The following ILRUN variants were observed in gnomAD, a reference collection of about 807,000 sequenced individuals.
ILRUN encodes the protein inflammation and lipid regulator with UBA-like and NBR1-like domains.
ILRUN carries 3 observed loss-of-function variants against 33.8 expected under a neutral mutation model. That is an observed-to-expected ratio of 0.09 (90% confidence interval 0.04 to 0.23). The LOEUF (loss-of-function observed/expected upper bound fraction) is 0.23. Among genes scored for constraint, ILRUN ranks in the 10% least tolerant of loss-of-function variants. The pLI is 1.00. For missense variants in ILRUN, 210 were observed against 375.1 expected, an observed-to-expected ratio of 0.56 and a Z score of 3.64; for synonymous variants, 124 against 138.9, an observed-to-expected ratio of 0.89 and a Z score of 0.75.
intron 1 of ILRUN, among the ~76,000 whole-genome samples, chr6:34,665,136 T>C (rs577027734): frequency 3.5e-4 from 53 of 150,738 alleles, no homozygotes; most frequent in Non-Finnish European, 6.3e-4. Context: ...CTGGCTCATC[T>C]TATCTTTTTT....
rs999614404 is a variant in ILRUN, at chr6:34,598,546, C to A, written c.862-7946G>T. On this transcript the variant is annotated intron_variant, in intron 4 of 4. Coordinates refer to ENST00000374023, the MANE Select transcript of ILRUN (RefSeq NM_024294.4). ...TGGGGAAGAGAATGGGCCCTTATAA[C>A]CAAAATAAAACATGCTGGCAATCTT... Among the ~76,000 whole-genome samples, 3 of 152,124 alleles carry A rather than the reference C, an allele frequency of 2.0e-5. No homozygotes were observed. In the East Asian group the frequency reaches 5.8e-4, roughly 29 times the overall value.
intron 1 of ILRUN, among the ~76,000 whole-genome samples, chr6:34,657,337 G>A (rs1222454612): frequency 6.6e-6 from 1 of 152,092 alleles, no homozygotes; most frequent in African/African-American, 2.4e-5. Context: ...TTCACCCTTT[G>A]GCTCTGCCAT....
intron 3 of ILRUN, among the ~76,000 whole-genome samples, chr6:34,609,423 G>A (rs1761698047): frequency 6.6e-6 from 1 of 152,192 alleles, no homozygotes; most frequent in African/African-American, 2.4e-5. Flanking sequence ...CTGGGAGGCG[G>A]AGGTTGTAGT....
At chr6:34,593,329 C>T (rs182616449) in intron 4 of ILRUN, among the ~76,000 whole-genome samples, 69 of 152,350 alleles carry the variant, frequency 4.5e-4, no homozygotes, top group Admixed American at 7.8e-4. Context: ...CAAAGCTCTA[C>T]ACACTTCATG....
At chr6:34,634,320 A>C (rs1328758496) in intron 3 of ILRUN, among the ~76,000 whole-genome samples, 2 of 152,148 alleles carry the variant, frequency 1.3e-5, no homozygotes, top group African/African-American at 4.8e-5. Context: ...ACATTTCAGA[A>C]GTTGTGGGAT....
intron 4 of ILRUN, among the ~76,000 whole-genome samples, chr6:34,605,767 G>A (rs1025850324): frequency 6.6e-6 from 1 of 152,162 alleles, no homozygotes; most frequent in Non-Finnish European, 1.5e-5. Context: ...ATTGAAGCCA[G>A]GACAGACCTA....
intron 1 of ILRUN, among the ~76,000 whole-genome samples, chr6:34,657,335 T>C (rs1318188330): frequency 6.6e-6 from 1 of 152,168 alleles, no homozygotes. Context: ...ATTTCACCCT[T>C]TGGCTCTGCC....
chr6:34,614,860 A>T (rs1761849191), intron 3 of ILRUN, among the ~76,000 whole-genome samples: 3 of 152,170 alleles, frequency 2.0e-5, no homozygotes, highest in African/African-American at 7.2e-5. Flanking sequence ...ACCCCGTAAC[A>T]TCAGTGTAAT....
At chr6:34,647,463 G>A (rs1013149535) in intron 2 of ILRUN, among the ~76,000 whole-genome samples, 6 of 152,140 alleles carry the variant, frequency 3.9e-5, no homozygotes, top group Non-Finnish European at 8.8e-5. Context: ...TGTGGTCGCA[G>A]GAACAATGGC....
rs116148457 is a variant in ILRUN, at chr6:34,687,264, G to C, written c.158+9182C>G. Among the ~76,000 whole-genome samples, 1,113 of 152,050 alleles carry C rather than the reference G, an allele frequency of 7.3e-3. 21 individuals are homozygous for C. The highest frequency in any genetic ancestry group is 0.026 in the African/African-American group (1,059 of 41,426). On this transcript the variant is annotated intron_variant, in intron 1 of 4. Coordinates refer to ENST00000374023, the MANE Select transcript of ILRUN (RefSeq NM_024294.4). ...AGAAAATGCACAAAGGACTTAAATG[G>C]TTATTTCTCCAAAGAAGATATACAA...
intron 4 of ILRUN, among the ~76,000 whole-genome samples, chr6:34,594,653 C>G (rs1761363144): frequency 6.6e-6 from 1 of 152,180 alleles, no homozygotes; most frequent in Non-Finnish European, 1.5e-5. Flanking sequence ...GCGTGGGGAC[C>G]TAAGTTCAAC....
intron 4 of ILRUN, among the ~76,000 whole-genome samples, chr6:34,605,698 C>T (rs1459677681): frequency 6.6e-6 from 1 of 152,182 alleles, no homozygotes; most frequent in Non-Finnish European, 1.5e-5. Flanking sequence ...AACATAGTCA[C>T]TTGCCCCTCA....
At chr6:34,691,370 T>C (rs1225468563) in intron 1 of ILRUN, among the ~76,000 whole-genome samples, 1 of 152,234 alleles carries the variant, frequency 6.6e-6, no homozygotes, top group African/African-American at 2.4e-5. Flanking sequence ...TCACTTTACA[T>C]ACTCACTTAG....
Position 34,606,711 on chromosome 6 carries a change from G to A in ILRUN, c.705C>T (p.Phe235=), listed in dbSNP as rs151076011. 32 of 1,614,130 alleles carry A rather than the reference G, an allele frequency of 2.0e-5. No homozygotes were observed. The highest frequency in any genetic ancestry group is 3.3e-5 in the Admixed American group (2 of 59,998). ...CCCATGTGTTTTTGCTGATCGAGTC[G>A]AACTCGGAGCCCCCAGGGTCTTTTA... ...NNLKDPGGSE[F]DSISKNTWAP... Residue 235 remains phenylalanine (F), a synonymous_variant, in exon 4 of 5, where the codon TTC becomes TTT. Coordinates refer to ENST00000374023, the MANE Select transcript of ILRUN (RefSeq NM_024294.4).
chr6:34,642,825 C>CAAAAAAAAAA (rs57866309), intron 3 of ILRUN, among the ~76,000 whole-genome samples: 2 of 42,986 alleles, frequency 4.7e-5, no homozygotes, highest in African/African-American at 9.4e-5. Context: ...CCGTCTCTAC[C>CAAAAAAAAAA]AAAAAAAAAA....
intron 1 of ILRUN, among the ~76,000 whole-genome samples, chr6:34,683,443 T>TATAC (rs1562032910): frequency 0.013 from 968 of 73,246 alleles, 13 homozygotes; most frequent in Non-Finnish European, 0.017. Flanking sequence ...TATATATACA[T>TATAC]ATATATATAC....
At chr6:34,693,158 C>G (rs73413870) in intron 1 of ILRUN, among the ~76,000 whole-genome samples, 3,551 of 152,016 alleles carry the variant, frequency 0.023, 103 homozygotes, top group African/African-American at 0.064. Context: ...ATGACGCTAT[C>G]TTTCATAAGA....
intron 3 of ILRUN, among the ~76,000 whole-genome samples, chr6:34,609,593 G>A (rs1174531713): frequency 6.6e-6 from 1 of 152,046 alleles, no homozygotes; most frequent in Non-Finnish European, 1.5e-5. Context: ...AGCCAGCCTG[G>A]ATGACAGAGT....
In ILRUN at chr6:34,590,276, C is replaced by T. The variant is rs1195206022; in HGVS notation, c.*289G>A. 1.7e-5 allele frequency: 4 copies of T among 241,424 alleles called. No homozygotes were observed. The highest frequency in any genetic ancestry group is 7.7e-5 in the East Asian group (1 of 13,056). 15.0% of individuals were successfully genotyped at this position (241,424 alleles called of 1,614,324 possible). ...CCATTTTAAACTTTTTCCCCCTTCC[C>T]GAGTGACCTAATGACTTGTTAGACT... On this transcript the variant is annotated 3_prime_UTR_variant, in exon 5 of 5. Coordinates refer to ENST00000374023, the MANE Select transcript of ILRUN (RefSeq NM_024294.4).
Sources: allele counts gnomAD v4.1 joint callset (sites outside exome capture counted in the v4.1 genomes callset), GRCh38; gene constraint gnomAD v4.1.1; transcripts MANE v1.5; gene names NCBI Gene and HGNC (gene_info 2026-07-23, HGNC 2026-07-21).